BMPR1B: variants seen among roughly 807,000 people sequenced by gnomAD.
BMPR1B encodes bone morphogenetic protein receptor type 1B, also known as bone morphogenetic protein receptor type-1B.
Under a neutral mutation model 59.1 loss-of-function variants are expected in BMPR1B, and 12 were observed. The observed-to-expected ratio is 0.20, with a 90% CI of 0.13 to 0.33. The LOEUF is 0.33. BMPR1B is among the 10% of genes least tolerant of loss of function. The pLI, the probability that BMPR1B is intolerant of heterozygous loss-of-function variation, is 1.00. For synonymous variants in BMPR1B, 237 were observed against 207.3 expected, an observed-to-expected ratio of 1.14 and a Z score of -1.23; for missense variants, 550 against 610.9, an observed-to-expected ratio of 0.90 and a Z score of 1.05.
intron 3 of BMPR1B, among the ~76,000 whole-genome samples, chr4:95,085,600 A>C (rs1579053175): frequency 1.3e-5 from 2 of 152,306 alleles, no homozygotes; most frequent in South Asian, 4.1e-4. Flanking sequence ...TGCATTGTGG[A>C]ATGTTAGTAA....
At chr4:95,062,518 G>A (rs575943413) in intron 3 of BMPR1B, among the ~76,000 whole-genome samples, 25 of 152,244 alleles carry the variant, frequency 1.6e-4, no homozygotes, top group African/African-American at 6.0e-4. Context: ...ACCCCAGATT[G>A]AAGAATGGAG....
chr4:94,975,193 G>A (rs2120834), intron 2 of BMPR1B, among the ~76,000 whole-genome samples: 6 of 151,750 alleles, frequency 4.0e-5, no homozygotes, highest in African/African-American at 1.5e-4. Context: ...TAGATAGGAC[G>A]CAGAATATTG....
At chr4:95,048,520 C>A (rs1726206153) in intron 3 of BMPR1B, among the ~76,000 whole-genome samples, 1 of 152,058 alleles carries the variant, frequency 6.6e-6, no homozygotes, top group Non-Finnish European at 1.5e-5. Context: ...TGGTATTTCA[C>A]TATGGTTTTG....
chr4:94,816,862 T>C (rs1724028281), intron 1 of BMPR1B, among the ~76,000 whole-genome samples: 1 of 152,156 alleles, frequency 6.6e-6, no homozygotes, highest in Non-Finnish European at 1.5e-5. Flanking sequence ...ATATGTCTGT[T>C]TGTGTAAAGA....
At chr4:94,962,528 T>C (rs1730411102) in intron 2 of BMPR1B, among the ~76,000 whole-genome samples, 2 of 152,178 alleles carry the variant, frequency 1.3e-5, no homozygotes, top group Admixed American at 1.3e-4. Context: ...GCTCTGTAAC[T>C]CCATGAGATC....
chr4:94,887,060 G>A (rs933833281), intron 2 of BMPR1B, among the ~76,000 whole-genome samples: 12 of 152,120 alleles, frequency 7.9e-5, no homozygotes, highest in African/African-American at 2.4e-4. Flanking sequence ...GGAACGAAGA[G>A]CGATTCTTTG....
intron 1 of BMPR1B, among the ~76,000 whole-genome samples, chr4:94,762,858 G>T (rs867725005): frequency 1.6e-4 from 23 of 141,426 alleles, no homozygotes; most frequent in Admixed American, 2.1e-4. Flanking sequence ...ATCAGTTTTT[G>T]TTTTTTTTTT....
chr4:95,109,747 TGC>T (rs1731480363), intron 4 of BMPR1B, among the ~76,000 whole-genome samples: 4 of 151,676 alleles, frequency 2.6e-5, no homozygotes, highest in Admixed American at 1.3e-4. Context: ...AGGGGACGTG[TGC>T]ACAATGTGCA....
intron 1 of BMPR1B, among the ~76,000 whole-genome samples, chr4:94,820,981 A>G (rs1724187355): frequency 6.6e-6 from 1 of 152,244 alleles, no homozygotes; most frequent in Non-Finnish European, 1.5e-5. Context: ...GTGACAGGGC[A>G]TGCCATTGCT....
intron 2 of BMPR1B, among the ~76,000 whole-genome samples, chr4:94,927,557 A>G (rs1419890886): frequency 1.3e-5 from 2 of 152,128 alleles, no homozygotes; most frequent in African/African-American, 4.8e-5. Flanking sequence ...GATGGGAGAA[A>G]AGGACATTCA....
chr4:95,036,929 G>C (rs1304469628), intron 3 of BMPR1B, among the ~76,000 whole-genome samples: 2 of 152,072 alleles, frequency 1.3e-5, no homozygotes, highest in Non-Finnish European at 2.9e-5. Context: ...GTCAACCCTA[G>C]ATCTGGATGC....
intron 11 of BMPR1B, among the ~76,000 whole-genome samples, chr4:95,152,220 CT>C (rs1735096541): frequency 6.6e-6 from 1 of 152,114 alleles, no homozygotes; most frequent in African/African-American, 2.4e-5. Flanking sequence ...GTAGGATACA[CT>C]TCTGAATTTA....
intron 2 of BMPR1B, among the ~76,000 whole-genome samples, chr4:94,886,326 TA>T (rs541098702): frequency 9.2e-5 from 14 of 152,310 alleles, no homozygotes; most frequent in African/African-American, 2.6e-4. Context: ...TAAATTTTTT[TA>T]TAAAGCTAAA....
At chr4:95,015,405 C>G (rs1009778908) in intron 3 of BMPR1B, among the ~76,000 whole-genome samples, 1 of 152,036 alleles carries the variant, frequency 6.6e-6, no homozygotes, top group African/African-American at 2.4e-5. Context: ...TTTAACAGAA[C>G]TTCTTTTTTT....
At chr4:94,780,715 G>C (rs1277191566) in intron 1 of BMPR1B, among the ~76,000 whole-genome samples, 4 of 118,900 alleles carry the variant, frequency 3.4e-5, no homozygotes, top group African/African-American at 1.3e-4. Flanking sequence ...TTGAGACAGA[G>C]TCTCGCTCTG....
chr4:95,116,421 G>GCGCGCACGCGCACACACACACA, intron 6 of BMPR1B, among the ~76,000 whole-genome samples: 1 of 123,198 alleles, frequency 8.1e-6, no homozygotes, highest in African/African-American at 3.6e-5. Context: ...TTCAGCGCGC[G>GCGCGCACGCGCACACACACACA]CACACACACA....
intron 2 of BMPR1B, among the ~76,000 whole-genome samples, chr4:94,912,696 A>G (rs1728325145): frequency 6.6e-6 from 1 of 151,890 alleles, no homozygotes; most frequent in Non-Finnish European, 1.5e-5. Flanking sequence ...GGCTTTTTAG[A>G]CTCTCCAGAG....
intron 3 of BMPR1B, among the ~76,000 whole-genome samples, chr4:95,016,671 T>C (rs1373129271): frequency 6.6e-6 from 1 of 152,178 alleles, no homozygotes; most frequent in African/African-American, 2.4e-5. Context: ...TGCGAAGTGT[T>C]TTCCACATCT....
intron 1 of BMPR1B, among the ~76,000 whole-genome samples, chr4:94,833,964 G>C (rs12512679): frequency 0.12 from 18,384 of 152,220 alleles, 1,163 homozygotes; most frequent in Non-Finnish European, 0.13. Flanking sequence ...ATTGTATGCA[G>C]GTGTACTTGA....
Sources: gnomAD v4.1 joint callset for allele counts (sites outside exome capture counted in the v4.1 genomes callset) on GRCh38, gnomAD v4.1.1 for gene constraint, MANE v1.5 for transcripts, NCBI Gene and HGNC (gene_info 2026-07-23, HGNC 2026-07-21) for gene names.